The following ERAP1 variants were observed in gnomAD, a reference collection of about 807,000 sequenced individuals.
ERAP1 encodes adipocyte-derived leucine aminopeptidase.
ERAP1 carries 86 observed loss-of-function variants against 103.7 expected under a neutral mutation model. The observed-to-expected ratio is 0.83, with a 90% CI of 0.70 to 0.99. The LOEUF (loss-of-function observed/expected upper bound fraction) is 0.99. ERAP1 is among the 50% of genes least tolerant of loss of function. The probability of loss-of-function intolerance (pLI) is 0.00; values close to 1 mark genes in which losing one functional copy is unlikely to be tolerated. For synonymous variants in ERAP1, 398 were observed against 402.4 expected (o/e 0.99, Z 0.13); for missense variants, 1,009 against 1,128.4 (o/e 0.89, Z 1.52).
chr5:96,893,660 C>G, the ERAP1 span, among the ~76,000 whole-genome samples: 2 of 152,198 alleles, frequency 1.3e-5, no homozygotes, highest in African/African-American at 4.8e-5. Context: ...CACGGAGATG[C>G]AGTCAAGTGC....
chr5:96,782,929 C>T (rs1775426365), intron 15 of ERAP1, 122 bp downstream of exon 15: 5 of 951,760 alleles, frequency 5.3e-6, no homozygotes, highest in Non-Finnish European at 8.3e-6. Context: ...AATTTATTTT[C>T]CAGAAAAGGG....
the ERAP1 span, chr5:96,909,745 G>A: frequency 6.2e-7 from 1 of 1,614,004 alleles, no homozygotes; most frequent in Admixed American, 1.7e-5. Context: ...CCAGTGGATG[G>A]AATCCAGTGG....
the ERAP1 span, among the ~76,000 whole-genome samples, chr5:96,920,491 C>T: frequency 0.07 from 10,696 of 152,140 alleles, 452 homozygotes; most frequent in Middle Eastern, 0.15. Context: ...GGTTTTTGGT[C>T]TTTTAAATTT....
the ERAP1 span, chr5:96,823,140 G>T: frequency 6.6e-6 from 3 of 456,162 alleles, no homozygotes; most frequent in Non-Finnish European, 8.8e-6. Flanking sequence ...GGAAGCAAGG[G>T]AGACAGAGAC....
chr5:96,762,416 C>G lies in ERAP1; in HGVS notation c.*784G>C, dbSNP rs774239750. The stretch of plus-strand genomic sequence containing the variant: ...TTGGGAGATAAATGTTTTTGCGCAG[C>G]CACAACTAGAAAGAAAATAGGGCGC... On this transcript the variant is annotated 3_prime_UTR_variant, in exon 20 of 20. Coordinates refer to the ERAP1 transcript ENST00000296754. 4.3e-6 allele frequency: 6 copies of G among 1,394,756 alleles called. No homozygotes were observed. In the African/African-American group the frequency reaches 8.8e-5, roughly 20 times the overall value. 86.4% of individuals were successfully genotyped at this position (1,394,756 alleles called of 1,614,324 possible). A position where few individuals can be genotyped will look rare whatever the true frequency, so the allele number is the denominator to read the frequency against.
At chr5:96,906,212 C>T in the ERAP1 span, among the ~76,000 whole-genome samples, 1 of 151,814 alleles carries the variant, frequency 6.6e-6, no homozygotes, top group Non-Finnish European at 1.5e-5. Flanking sequence ...CCCCCTCCTC[C>T]TCCTCTTCCT....
intron 15 of ERAP1, among the ~76,000 whole-genome samples, 155 bp from the exon 16 acceptor site, chr5:96,782,009 T>C (rs1316066724): frequency 7.4e-4 from 8 of 10,782 alleles, no homozygotes; most frequent in Admixed American, 4.7e-3. Context: ...TCAGTTACAA[T>C]TTTTTTTTTT....
the ERAP1 span, among the ~76,000 whole-genome samples, chr5:96,821,610 C>T: frequency 6.6e-6 from 1 of 152,130 alleles, no homozygotes; most frequent in Non-Finnish European, 1.5e-5. Flanking sequence ...GGAGCACCAA[C>T]ATCAAAGCAA....
At chr5:96,822,888 A>G in the ERAP1 span, 1 of 353,258 alleles carries the variant, frequency 2.8e-6, no homozygotes, top group Non-Finnish European at 5.6e-6. Flanking sequence ...TCGTCTCCTT[A>G]GGGTCACATG....
At chr5:96,910,705 G>T in the ERAP1 span, among the ~76,000 whole-genome samples, 1 of 152,260 alleles carries the variant, frequency 6.6e-6, no homozygotes, top group East Asian at 1.9e-4. Context: ...ACTTATTTAT[G>T]CTCACAATCA....
intron 9 of ERAP1, 54 bp downstream of exon 9, chr5:96,790,458 C>G (rs752063878): frequency 8.7e-6 from 14 of 1,611,952 alleles, no homozygotes; most frequent in Non-Finnish European, 1.2e-5. Flanking sequence ...GAAAACAAAA[C>G]AAGATGATAA....
At chr5:96,808,213 T>TGTGTGTGTGTGC (rs1778900183), upstream of ERAP1, 1 of 253,286 alleles carries the variant, frequency 3.9e-6, no homozygotes, top group Non-Finnish European at 5.7e-6. Context: ...TGTGTGTGTG[T>TGTGTGTGTGTGC]GTGTGTGTGT....
the ERAP1 span, among the ~76,000 whole-genome samples, chr5:96,829,500 G>T: frequency 2.0e-5 from 3 of 152,152 alleles, no homozygotes; most frequent in Non-Finnish European, 2.9e-5. Flanking sequence ...CATCCACTGT[G>T]ATCTTTTGAT....
chr5:96,833,540 T>C, the ERAP1 span, among the ~76,000 whole-genome samples: 1 of 152,206 alleles, frequency 6.6e-6, no homozygotes. Flanking sequence ...TGTTGGTTCA[T>C]TGAGGTTCTC....
the ERAP1 span, among the ~76,000 whole-genome samples, chr5:96,856,392 A>AGAGAGAGAGAGAGAGAGC: frequency 7.8e-6 from 1 of 127,924 alleles, no homozygotes; most frequent in Non-Finnish European, 1.7e-5. Context: ...AGAGAGAGAG[A>AGAGAGAGAGAGAGAGAGC]GAGCAAATAC....
chr5:96,774,747 A>G lies in ERAP1; in HGVS notation c.*1649T>C. 1.0e-6 allele frequency: 1 copy of G among 983,876 alleles called. No homozygotes were observed. Among genetic ancestry groups the G allele is most frequent in the Non-Finnish European group, 1.2e-6 (1 of 828,372 alleles). The allele number at this position is 983,876 out of a possible 1,614,324, so 60.9% of individuals were successfully genotyped here. A position where few individuals can be genotyped will look rare whatever the true frequency, so the allele number is the denominator to read the frequency against. ...TAGTTTGGGGTGGAAATTACCAGTGATTTCTATTTTTATTAAACCATTCAC... is the reference window on the plus strand; with the variant it reads ...TAGTTTGGGGTGGAAATTACCAGTGGTTTCTATTTTTATTAAACCATTCAC... On this transcript the variant is annotated 3_prime_UTR_variant, in exon 19 of 19. Transcript: ENST00000443439.
chr5:96,770,307 A>G (rs373571655), downstream of ERAP1: 29 of 506,716 alleles, frequency 5.7e-5, no homozygotes, highest in Admixed American at 3.5e-4. Flanking sequence ...TAGAGCATCA[A>G]TGTCACCCAC....
the ERAP1 span, among the ~76,000 whole-genome samples, chr5:96,880,532 G>C: frequency 2.0e-5 from 3 of 152,354 alleles, no homozygotes; most frequent in African/African-American, 7.2e-5. Flanking sequence ...GCTAGGGAAA[G>C]AGATGGTCAG....
the ERAP1 span, among the ~76,000 whole-genome samples, chr5:96,856,349 A>AAAAAT: frequency 1.2e-4 from 1 of 8,538 alleles, no homozygotes; most frequent in East Asian, 4.9e-3. Flanking sequence ...AAAAAAAAAA[A>AAAAAT]ATATATATAT....
Sources: gnomAD v4.1 joint callset for allele counts (sites outside exome capture counted in the v4.1 genomes callset) on GRCh38, gnomAD v4.1.1 for gene constraint, MANE v1.5 for transcripts, NCBI Gene and HGNC (gene_info 2026-07-23, HGNC 2026-07-21) for gene names.